The following METTL8 variants were observed in gnomAD, a reference collection of about 807,000 sequenced individuals.
METTL8 encodes the protein methyltransferase 8, tRNA N3-cytidine, also known as tRNA N(3)-cytidine methyltransferase METTL8, mitochondrial.
A neutral mutation model predicts 48.7 loss-of-function variants in METTL8; 32 were observed. The ratio of observed to expected loss-of-function variants is 0.66; its 90% CI spans 0.50 to 0.88. The LOEUF (loss-of-function observed/expected upper bound fraction) is 0.88. Ranked by LOEUF, METTL8 falls within the 40% of genes least tolerant of loss-of-function variation. The pLI, the probability that METTL8 is intolerant of heterozygous loss-of-function variation, is 0.00. For synonymous variants in METTL8, 136 were observed against 157.1 expected, an observed-to-expected ratio of 0.87 and a Z score of 1.01; for missense variants, 464 against 474.4, an observed-to-expected ratio of 0.98 and a Z score of 0.20.
intron 1 of METTL8, among the ~76,000 whole-genome samples, chr2:171,426,509 T>C (rs1692434474): frequency 6.6e-6 from 1 of 152,224 alleles, no homozygotes; most frequent in African/African-American, 2.4e-5. Flanking sequence ...CATTTTATAA[T>C]TGTTATTTGT....
chr2:171,352,550 C>T (rs1024812700), intron 3 of METTL8, among the ~76,000 whole-genome samples: 2 of 152,144 alleles, frequency 1.3e-5, no homozygotes, highest in East Asian at 1.9e-4. Flanking sequence ...ATGGTACCAG[C>T]TCCTCCTTGT....
intron 2 of METTL8, among the ~76,000 whole-genome samples, chr2:171,387,239 A>G (rs560817687): frequency 6.6e-6 from 1 of 152,264 alleles, no homozygotes; most frequent in East Asian, 1.9e-4. Flanking sequence ...CAGGAGCTGT[A>G]AACACTCACC....
chr2:171,371,757 G>A (rs1686367942), intron 2 of METTL8, among the ~76,000 whole-genome samples: 1 of 151,986 alleles, frequency 6.6e-6, no homozygotes, highest in African/African-American at 2.4e-5. Context: ...TCAGCCTCCT[G>A]AGTAGCTAGG....
At chr2:171,326,963 A>G (rs1685027411) in intron 7 of METTL8, 2 of 152,190 alleles carry the variant, frequency 1.3e-5, no homozygotes, top group African/African-American at 2.4e-5. Context: ...TTCTTAGTTG[A>G]GCTCTTAAGA....
At chr2:171,347,247 T>C (rs1683367411) in intron 3 of METTL8, among the ~76,000 whole-genome samples, 1 of 152,196 alleles carries the variant, frequency 6.6e-6, no homozygotes, top group South Asian at 2.1e-4. Context: ...AATCAAATGC[T>C]TCAAAGTGGT....
upstream of METTL8, chr2:171,434,019 G>A (rs1002045051): frequency 1.1e-5 from 3 of 275,168 alleles, no homozygotes; most frequent in Non-Finnish European, 2.1e-5. Context: ...GGATCCCTAA[G>A]TGCAGGGCGC....
intron 3 of METTL8, among the ~76,000 whole-genome samples, chr2:171,343,719 A>C (rs934113291): frequency 2.6e-5 from 4 of 152,188 alleles, no homozygotes; most frequent in Non-Finnish European, 1.5e-5. Flanking sequence ...ATTTGATGAA[A>C]GGTTTGAATT....
At chr2:171,427,650 T>C (rs1692553672) in intron 1 of METTL8, among the ~76,000 whole-genome samples, 1 of 152,214 alleles carries the variant, frequency 6.6e-6, no homozygotes, top group Non-Finnish European at 1.5e-5. Flanking sequence ...TCAGCTTACA[T>C]GTGTTCTCTT....
chr2:171,356,880 A>C (rs1684598975), intron 3 of METTL8, among the ~76,000 whole-genome samples: 1 of 151,882 alleles, frequency 6.6e-6, no homozygotes, highest in Non-Finnish European at 1.5e-5. Context: ...CAGAGACATT[A>C]GGCAAGAGAA....
intron 1 of METTL8, among the ~76,000 whole-genome samples, chr2:171,429,154 C>T (rs979809212): frequency 3.3e-5 from 5 of 151,946 alleles, no homozygotes; most frequent in African/African-American, 1.2e-4. Context: ...CAAAAGGACA[C>T]TCTGGATCAT....
At chr2:171,334,760 C>A (rs1685908086) in intron 5 of METTL8, among the ~76,000 whole-genome samples, 1 of 152,030 alleles carries the variant, frequency 6.6e-6, no homozygotes, top group South Asian at 2.1e-4. Context: ...AGTGAGGAAC[C>A]AAGAGCTTGC....
intron 3 of METTL8, among the ~76,000 whole-genome samples, chr2:171,350,901 C>A (rs1302128588): frequency 6.6e-6 from 1 of 152,096 alleles, no homozygotes; most frequent in Non-Finnish European, 1.5e-5. Flanking sequence ...AATTTTCTCC[C>A]ATTCTGTAGG....
In METTL8 at chr2:171,420,719, A is replaced by G. The variant is rs143080157; in HGVS notation, c.-13+13164T>C. 3.6e-3 allele frequency among the ~76,000 whole-genome samples: 548 copies of G among 152,318 alleles called. 5 individuals carry two copies. The highest frequency in any genetic ancestry group is 7.0e-3 in the South Asian group (34 of 4,828). Reference sequence around the variant, plus strand: ...GTGTCACAAAAATTGATCTAAATAAACCCAAGTTTGGTTTAACAATAGAAA... The same window carrying G: ...GTGTCACAAAAATTGATCTAAATAAGCCCAAGTTTGGTTTAACAATAGAAA... On this transcript the variant is annotated intron_variant, in intron 1 of 9. Transcript: ENST00000375258.
Position 171,318,999 on chromosome 2 carries a change from A to G in METTL8, c.*5173T>C, listed in dbSNP as rs898090139. The G allele has an allele frequency of 5.9e-5, 9 of 152,144 alleles. No individual in the cohort carries two copies. Among genetic ancestry groups the G allele is most frequent in the African/African-American group, 1.9e-4 (8 of 41,430 alleles). The allele number at this position is 152,144 out of a possible 1,614,324, so 9.4% of individuals were successfully genotyped here. On this transcript the variant is annotated 3_prime_UTR_variant, in exon 10 of 10. Transcript: ENST00000375258. The stretch of plus-strand genomic sequence containing the variant: ...AGTTTGAGGATTAAATAATGTGTAT[A>G]GTATACACAAAATCTAGCATTCAGA...
At chr2:171,350,701 C>T (rs1373183887) in intron 3 of METTL8, among the ~76,000 whole-genome samples, 1 of 152,190 alleles carries the variant, frequency 6.6e-6, no homozygotes, top group Non-Finnish European at 1.5e-5. Flanking sequence ...ATTTGCATTT[C>T]CCTGACGGCC....
chr2:171,363,757 T>C (rs1308434569), intron 2 of METTL8, among the ~76,000 whole-genome samples: 1 of 144,630 alleles, frequency 6.9e-6, no homozygotes, highest in East Asian at 2.0e-4. Flanking sequence ...GAAAAGTATT[T>C]ATAAAATGAG....
intron 2 of METTL8, among the ~76,000 whole-genome samples, chr2:171,360,778 A>G (rs1685081109): frequency 6.6e-6 from 1 of 152,218 alleles, no homozygotes; most frequent in Non-Finnish European, 1.5e-5. Flanking sequence ...TAATGTCCTC[A>G]GAACACCCTG....
chr2:171,418,376 C>T (rs1443323690), intron 1 of METTL8, among the ~76,000 whole-genome samples: 1 of 152,240 alleles, frequency 6.6e-6, no homozygotes, highest in East Asian at 1.9e-4. Flanking sequence ...AAGGTATATG[C>T]CCCTTTTACA....
At chr2:171,389,496 CAG>C (rs1301749930) in intron 2 of METTL8, among the ~76,000 whole-genome samples, 1 of 109,334 alleles carries the variant, frequency 9.1e-6, no homozygotes, top group Non-Finnish European at 1.7e-5. Flanking sequence ...GCTTGGGTGA[CAG>C]AGTCTCCCTG....
Sources: allele counts gnomAD v4.1 joint callset (sites outside exome capture counted in the v4.1 genomes callset), GRCh38; gene constraint gnomAD v4.1.1; transcripts MANE v1.5; gene names NCBI Gene and HGNC (gene_info 2026-07-23, HGNC 2026-07-21).